Variants in CMIP observed in about 807,000 individuals in gnomAD.
CMIP encodes c-Maf inducing protein, also known as C-Maf-inducing protein.
A neutral mutation model predicts 97.3 loss-of-function variants in CMIP; 13 were observed. The observed-to-expected ratio is 0.13, with a 90% CI of 0.09 to 0.21. The LOEUF is 0.21. Ranked by LOEUF, CMIP falls within the 10% of genes least tolerant of loss-of-function variation. The pLI, the probability that CMIP is intolerant of heterozygous loss-of-function variation, is 1.00. For synonymous variants in CMIP, 538 were observed against 436.3 expected (o/e 1.23, Z -2.91); for missense variants, 847 against 1,024.9 (o/e 0.83, Z 2.37).
chr16:81,496,214 G>T (rs1168049719), intron 1 of CMIP, among the ~76,000 whole-genome samples: 3 of 152,222 alleles, frequency 2.0e-5, no homozygotes, highest in African/African-American at 7.2e-5. Context: ...CTGGACCATA[G>T]TAGGTGCTAT....
chr16:81,686,990 C>G (rs1174066280), intron 10 of CMIP, among the ~76,000 whole-genome samples: 3 of 152,248 alleles, frequency 2.0e-5, no homozygotes, highest in South Asian at 4.1e-4. Flanking sequence ...CTCCCCAACA[C>G]AGACCACTGG....
chr16:81,704,944 C>T (rs72831131), intron 18 of CMIP, among the ~76,000 whole-genome samples: 5 of 151,746 alleles, frequency 3.3e-5, no homozygotes, highest in South Asian at 2.1e-4. Flanking sequence ...CGCTGGCCTG[C>T]GGGGGGCTGC....
rs75232767 is a variant in CMIP, at chr16:81,710,837, C to G, written c.*1038C>G. 125 of 152,358 alleles carry G rather than the reference C, an allele frequency of 8.2e-4. 1 individual carries two copies. The highest frequency in any genetic ancestry group is 2.9e-3 in the African/African-American group (120 of 41,550). The allele number at this position is 152,358 out of a possible 1,614,324, so 9.4% of individuals were successfully genotyped here. A position where few individuals can be genotyped will look rare whatever the true frequency, so the allele number is the denominator to read the frequency against. Reference sequence around the variant, plus strand: ...CCCGGTAAAAGAGCTGTTCCCCACCCCCAGGGAGCTCCTGTCCCTGTCAGC... The same window carrying G: ...CCCGGTAAAAGAGCTGTTCCCCACCGCCAGGGAGCTCCTGTCCCTGTCAGC... On this transcript the variant is annotated 3_prime_UTR_variant, in exon 21 of 21. Coordinates refer to ENST00000537098, the MANE Select transcript of CMIP (RefSeq NM_198390.3).
intron 1 of CMIP, among the ~76,000 whole-genome samples, chr16:81,508,683 A>T (rs1326443434): frequency 6.6e-6 from 1 of 152,254 alleles, no homozygotes; most frequent in Non-Finnish European, 1.5e-5. Flanking sequence ...TACAGACTGC[A>T]TTGGGAGTTT....
intron 1 of CMIP, among the ~76,000 whole-genome samples, chr16:81,474,549 CA>C (rs1467825062): frequency 6.6e-6 from 1 of 152,184 alleles, no homozygotes; most frequent in Non-Finnish European, 1.5e-5. Flanking sequence ...GTGAGGATCC[CA>C]GGGGTGAACT....
At chr16:81,577,520 C>G (rs906594733) in intron 1 of CMIP, among the ~76,000 whole-genome samples, 32 of 143,714 alleles carry the variant, frequency 2.2e-4, no homozygotes, top group African/African-American at 8.6e-4. Context: ...ACCTTCATCA[C>G]CACCATCATC....
intron 5 of CMIP, among the ~76,000 whole-genome samples, chr16:81,659,088 C>T (rs2092516679): frequency 6.6e-6 from 1 of 152,256 alleles, no homozygotes; most frequent in African/African-American, 2.4e-5. Context: ...TTCACCCGGA[C>T]TGTCCATTGC....
intron 2 of CMIP, chr16:81,618,445 C>A (rs1006553789): frequency 3.3e-5 from 5 of 152,224 alleles, no homozygotes; most frequent in African/African-American, 1.2e-4. Flanking sequence ...CGTTGCCACG[C>A]AGGATAACTT....
intron 1 of CMIP, among the ~76,000 whole-genome samples, chr16:81,450,101 T>TGGGGCACTGTCCTGGGC (rs947559392): frequency 5.3e-5 from 8 of 152,168 alleles, no homozygotes; most frequent in Admixed American, 4.6e-4. Flanking sequence ...AGGGCATTTC[T>TGGGGCACTGTCCTGGGC]GGGGCACTGT....
chr16:81,570,372 G>A (rs888557374), intron 1 of CMIP, among the ~76,000 whole-genome samples: 2 of 152,152 alleles, frequency 1.3e-5, no homozygotes, highest in East Asian at 1.9e-4. Context: ...AGTGCTGTGC[G>A]GGGGAAGCAC....
At chr16:81,476,866 C>G (rs12931627) in intron 1 of CMIP, among the ~76,000 whole-genome samples, 39,161 of 151,998 alleles carry the variant, frequency 0.26, 5,512 homozygotes, top group Admixed American at 0.39. Flanking sequence ...TCCTTACTTC[C>G]CGACGTCAGC....
At chr16:81,593,875 T>G (rs927777151) in intron 1 of CMIP, among the ~76,000 whole-genome samples, 11 of 152,146 alleles carry the variant, frequency 7.2e-5, no homozygotes, top group Non-Finnish European at 1.6e-4. Context: ...CCCTGGCCCA[T>G]TCAGGTGCTC....
chr16:81,502,005 A>G (rs1018788535), intron 1 of CMIP, among the ~76,000 whole-genome samples: 5 of 152,216 alleles, frequency 3.3e-5, no homozygotes, highest in African/African-American at 9.6e-5. Context: ...TATTCAGTCA[A>G]CACATGAGTG....
intron 7 of CMIP, chr16:81,665,768 G>A (rs1312734820): frequency 6.6e-6 from 1 of 152,182 alleles, no homozygotes; most frequent in Non-Finnish European, 1.5e-5. Context: ...TGACACATGT[G>A]CTCCTCTACC....
At chr16:81,456,295 C>T (rs531442550) in intron 1 of CMIP, among the ~76,000 whole-genome samples, 5 of 152,256 alleles carry the variant, frequency 3.3e-5, no homozygotes, top group East Asian at 1.9e-4. Context: ...TAGGCGTGTG[C>T]GCATTTCGTC....
intron 7 of CMIP, among the ~76,000 whole-genome samples, chr16:81,667,766 AAGAG>A (rs59388984): frequency 0.038 from 3,258 of 84,916 alleles, 81 homozygotes; most frequent in Non-Finnish European, 0.049. Context: ...GAGGGAGAGA[AAGAG>A]AGAGAGAGAG....
rs1298247547 is a variant in CMIP at position 81,655,346 on chromosome 16, C to T, written c.640-2429C>T. 2.0e-5 allele frequency among the ~76,000 whole-genome samples: 3 copies of T among 152,128 alleles called. No homozygotes were observed. Among genetic ancestry groups the T allele is most frequent in the East Asian group, 1.9e-4 (1 of 5,196 alleles). ...CTGGAGGGAGCAGGCAGAGGGGCAT[C>T]GTGGAGGGAGCTGCTAAGGACGCAA... On this transcript the variant is annotated intron_variant, in intron 4 of 20. Transcript: ENST00000537098. The surrounding 1 kb of genome is among the most constrained non-coding windows in gnomAD (Gnocchi z 4.9).
chr16:81,584,309 A>G (rs556281291), intron 1 of CMIP, among the ~76,000 whole-genome samples: 36 of 152,318 alleles, frequency 2.4e-4, no homozygotes, highest in African/African-American at 8.2e-4. Flanking sequence ...CACCTAGAAC[A>G]TGCTGGAAGT....
chr16:81,565,680 G>A (rs546247551), intron 1 of CMIP, among the ~76,000 whole-genome samples: 5 of 152,332 alleles, frequency 3.3e-5, no homozygotes, highest in Admixed American at 1.3e-4. Flanking sequence ...CGGGGCAGGG[G>A]AGATTCAGAG....
Sources: gnomAD v4.1 joint callset for allele counts (sites outside exome capture counted in the v4.1 genomes callset) on GRCh38, gnomAD v4.1.1 for gene constraint, Gnocchi (gnomAD v3.1) non-coding constraint, MANE v1.5 for transcripts, NCBI Gene and HGNC (gene_info 2026-07-23, HGNC 2026-07-21) for gene names.